The following UBE2W variants were observed in gnomAD, a reference collection of about 807,000 sequenced individuals.
The protein encoded by UBE2W is ubiquitin conjugating enzyme E2 W, also known as ubiquitin-conjugating enzyme E2 W.
In UBE2W, 18 loss-of-function variants were observed where a neutral mutation model predicts 27.2. The ratio of observed to expected loss-of-function variants is 0.66; its 90% confidence interval spans 0.46 to 0.98. The LOEUF (loss-of-function observed/expected upper bound fraction) is 0.98, where lower values mean the gene tolerates loss of function less well. Among genes scored for constraint, UBE2W ranks in the 50% least tolerant of loss-of-function variants. UBE2W has a pLI of 0.00. For missense variants in UBE2W, 90 were observed against 180.2 expected (o/e 0.50, Z 2.87); for synonymous variants, 53 against 57.2 (o/e 0.93, Z 0.33).
intron 1 of UBE2W, among the ~76,000 whole-genome samples, chr8:73,836,917 T>A (rs17316246): frequency 0.11 from 17,144 of 152,158 alleles, 1,045 homozygotes; most frequent in Middle Eastern, 0.18. Flanking sequence ...GTACTGTAAG[T>A]AAAGCAGCAG....
rs1808265680 is a variant in UBE2W at position 73,793,022 on chromosome 8, T to C, written c.*1080A>G. Reference sequence around the variant, plus strand: ...TAGGGTACAGGATTAAAGGACAAGATGATACTCACAAGTAAAGAAAATTTA... The same window carrying C: ...TAGGGTACAGGATTAAAGGACAAGACGATACTCACAAGTAAAGAAAATTTA... On this transcript the variant is annotated 3_prime_UTR_variant, in exon 6 of 6. Coordinates refer to ENST00000602593, the MANE Select transcript of UBE2W (RefSeq NM_018299.6). 8.1e-6 allele frequency: 8 copies of C among 985,470 alleles called. No homozygotes were observed. The highest frequency in any genetic ancestry group is 9.6e-6 in the Non-Finnish European group (8 of 829,610). 61.0% of individuals were successfully genotyped at this position (985,470 alleles called of 1,614,324 possible).
At chr8:73,851,425 T>C (rs1404585833) in intron 1 of UBE2W, among the ~76,000 whole-genome samples, 2 of 152,112 alleles carry the variant, frequency 1.3e-5, no homozygotes, top group Non-Finnish European at 2.9e-5. Flanking sequence ...TTACAAGGGA[T>C]TGTGTTTTCA....
At chr8:73,854,195 G>C (rs1029100190) in intron 1 of UBE2W, among the ~76,000 whole-genome samples, 1 of 151,812 alleles carries the variant, frequency 6.6e-6, no homozygotes, top group African/African-American at 2.4e-5. Context: ...CTATGACTTA[G>C]TAACACCATT....
In UBE2W at chr8:73,790,412, G is replaced by C; in HGVS notation, c.*3690C>G. On this transcript the variant is annotated 3_prime_UTR_variant, in exon 6 of 6. Coordinates refer to ENST00000602593, the MANE Select transcript of UBE2W (RefSeq NM_018299.6). Reference sequence around the variant, plus strand: ...GCAGTAACGGCATTACTATAACACAGAACAGTATAGTAGCTGATTCTGATA... The same window carrying C: ...GCAGTAACGGCATTACTATAACACACAACAGTATAGTAGCTGATTCTGATA... 3.0e-6 allele frequency: 3 copies of C among 985,310 alleles called. No homozygotes were observed. Among genetic ancestry groups the C allele is most frequent in the African/African-American group, 3.5e-5 (2 of 57,320 alleles). 61.0% of individuals were successfully genotyped at this position (985,310 alleles called of 1,614,324 possible). A position where few individuals can be genotyped will look rare whatever the true frequency, so the allele number is the denominator to read the frequency against.
chr8:73,840,014 G>T (rs193179098), intron 1 of UBE2W, among the ~76,000 whole-genome samples: 1 of 144,888 alleles, frequency 6.9e-6, no homozygotes, highest in Admixed American at 6.8e-5. Context: ...GGGATTACAG[G>T]TGTTGAGCCA....
chr8:73,848,066 T>C (rs1339453514), intron 1 of UBE2W, among the ~76,000 whole-genome samples: 2 of 151,944 alleles, frequency 1.3e-5, no homozygotes, highest in African/African-American at 4.8e-5. Flanking sequence ...CTGGGTGTCG[T>C]GGCGCATGCC....
At chr8:73,861,059 AGT>A (rs1811515904) in intron 1 of UBE2W, among the ~76,000 whole-genome samples, 1 of 152,158 alleles carries the variant, frequency 6.6e-6, no homozygotes, top group African/African-American at 2.4e-5. Flanking sequence ...TCAAGGTTAC[AGT>A]TAAGGTACAG....
intron 1 of UBE2W, among the ~76,000 whole-genome samples, chr8:73,843,037 T>C (rs565884422): frequency 1.2e-4 from 19 of 152,306 alleles, no homozygotes; most frequent in African/African-American, 3.1e-4. Context: ...CAAATGAACC[T>C]TGAAAACATT....
chr8:73,844,024 G>A (rs895011541), intron 1 of UBE2W, among the ~76,000 whole-genome samples: 1 of 152,144 alleles, frequency 6.6e-6, no homozygotes. Flanking sequence ...TAATGCCTGA[G>A]AATCTCCCAG....
chr8:73,834,560 T>C (rs577020401), intron 1 of UBE2W, among the ~76,000 whole-genome samples: 1 of 152,160 alleles, frequency 6.6e-6, no homozygotes, highest in African/African-American at 2.4e-5. Flanking sequence ...GAGAATTGTT[T>C]GAGTCTAGAA....
At chr8:73,855,394 C>CTTTTTTTTTTTTTTTTTTTTTTTTT (rs66577299) in intron 1 of UBE2W, among the ~76,000 whole-genome samples, 1 of 84,710 alleles carries the variant, frequency 1.2e-5, no homozygotes, top group African/African-American at 5.2e-5. Flanking sequence ...ATTCTACTTT[C>CTTTTTTTTTTTTTTTTTTTTTTTTT]TTTTTTTTTT....
intron 3 of UBE2W, among the ~76,000 whole-genome samples, chr8:73,812,823 C>T (rs1386776571): frequency 2.6e-5 from 4 of 151,484 alleles, no homozygotes; most frequent in Non-Finnish European, 4.4e-5. Context: ...GCCAACATGG[C>T]GAAAACCCGT....
chr8:73,835,485 G>C (rs959164201), intron 1 of UBE2W, among the ~76,000 whole-genome samples: 1 of 152,200 alleles, frequency 6.6e-6, no homozygotes, highest in African/African-American at 2.4e-5. Flanking sequence ...GCTCATGCCT[G>C]TAATCCCAGT....
intron 3 of UBE2W, among the ~76,000 whole-genome samples, chr8:73,819,429 A>G (rs923759049): frequency 3.9e-5 from 6 of 152,160 alleles, no homozygotes; most frequent in Non-Finnish European, 7.4e-5. Flanking sequence ...CAAATACTAA[A>G]CAGATTATAA....
intron 1 of UBE2W, among the ~76,000 whole-genome samples, chr8:73,872,199 G>C (rs188332531): frequency 6.6e-6 from 1 of 152,080 alleles, no homozygotes; most frequent in Non-Finnish European, 1.5e-5. Context: ...GCTTCATTAA[G>C]GCAGGAAAAA....
chr8:73,878,846 G>T lies in UBE2W; in HGVS notation c.-24C>A, dbSNP rs565202124. 5.2e-6 allele frequency: 8 copies of T among 1,548,142 alleles called. No individual in the cohort carries two copies. The African/African-American group carries it at 8.2e-5, about 16-fold the overall frequency. On this transcript the variant is annotated 5_prime_UTR_variant, in exon 1 of 6. Transcript: ENST00000602593. ...ATGATGGAACCATCCCCCCAAGACC[G>T]GCGAGGCCAGAGACGCAGGGGGAGG...
intron 1 of UBE2W, among the ~76,000 whole-genome samples, chr8:73,850,727 A>T (rs1007580886): frequency 1.1e-4 from 4 of 36,848 alleles, no homozygotes; most frequent in African/African-American, 2.5e-4. Flanking sequence ...CAGGACATTA[A>T]AAAAAAAAAA....
intron 3 of UBE2W, among the ~76,000 whole-genome samples, chr8:73,814,027 C>T (rs571238976): frequency 1.1e-4 from 16 of 152,238 alleles, no homozygotes; most frequent in African/African-American, 3.6e-4. Context: ...GTCACTGCAC[C>T]CGGCCCACAG....
intron 2 of UBE2W, among the ~76,000 whole-genome samples, chr8:73,827,316 T>G (rs907712933): frequency 6.6e-6 from 1 of 152,064 alleles, no homozygotes; most frequent in African/African-American, 2.4e-5. Context: ...TGGGTTCAAG[T>G]GATTCTCCTG....
Sources: gnomAD v4.1 joint callset for allele counts (sites outside exome capture counted in the v4.1 genomes callset) on GRCh38, gnomAD v4.1.1 for gene constraint, MANE v1.5 for transcripts, NCBI Gene and HGNC (gene_info 2026-07-23, HGNC 2026-07-21) for gene names.